The following RNPEP variants were observed in gnomAD, a reference collection of about 807,000 sequenced individuals.
The protein encoded by RNPEP is aminopeptidase B.
RNPEP carries 57 observed loss-of-function variants against 70.1 expected under a neutral mutation model. That is an observed-to-expected ratio of 0.81 (90% CI 0.66 to 1.01). The LOEUF (loss-of-function observed/expected upper bound fraction) is 1.01, where lower values mean the gene tolerates loss of function less well. RNPEP is among the 50% of genes least tolerant of loss of function. The pLI, the probability that RNPEP is intolerant of heterozygous loss-of-function variation, is 0.00. For missense variants in RNPEP, 787 were observed against 852.4 expected (o/e 0.92, Z 0.96); for synonymous variants, 335 against 357.4 (o/e 0.94, Z 0.71).
In RNPEP at chr1:202,000,021, G is replaced by C. The variant is rs1331350611; in HGVS notation, c.1204+6G>C. The C allele has an allele frequency of 6.2e-7, 1 of 1,607,078 alleles. No homozygotes were observed. The highest frequency in any genetic ancestry group is 1.3e-5 in the African/African-American group (1 of 74,802). On this transcript the variant is annotated splice_donor_region_variant and intron_variant, in intron 6 of 10. Transcript: ENST00000295640. ...CCGCGTGAAGATTGAACCAGGTCCA[G>C]GAGGCTCCTCTGTCTGACACCCACT...
intron 9 of RNPEP, 112 bp from the exon 10 acceptor site, chr1:202,004,241 TG>T: frequency 1.7e-6 from 2 of 1,151,232 alleles, no homozygotes; most frequent in Non-Finnish European, 2.5e-6. Flanking sequence ...TTGGCCAGGC[TG>T]GTCTCACATT....
intron 1 of RNPEP, among the ~76,000 whole-genome samples, chr1:201,984,991 G>T (rs1220555574): frequency 5.9e-5 from 9 of 151,536 alleles, no homozygotes; most frequent in Admixed American, 3.9e-4. Flanking sequence ...TCAGGAGTTT[G>T]AGACCAGCCT....
chr1:202,002,753 T>G (rs1683879598), intron 8 of RNPEP, among the ~76,000 whole-genome samples: 1 of 152,218 alleles, frequency 6.6e-6, no homozygotes, highest in Admixed American at 6.5e-5. Context: ...AAGCTTTTAA[T>G]GTTTATTTGC....
rs995745897 is a variant in RNPEP, at chr1:201,997,237, G to A, written c.855-82G>A. ...TTAGTGACTGCATCTGTTAGGGCTT[G>A]GAAATAGGCTGGAAAGGGAGGCGAG... is the stretch of plus-strand genomic sequence containing the variant. On this transcript the variant is annotated intron_variant, in intron 4 of 10. Coordinates refer to ENST00000295640, the MANE Select transcript of RNPEP (RefSeq NM_020216.4). The A allele has an allele frequency of 6.7e-6, 7 of 1,040,732 alleles. No individual in the cohort carries two copies. The African/African-American group carries it at 7.8e-5, about 12-fold the overall frequency. 64.5% of individuals were successfully genotyped at this position (1,040,732 alleles called of 1,614,324 possible). A position where few individuals can be genotyped will look rare whatever the true frequency, so the allele number is the denominator to read the frequency against.
In RNPEP at chr1:201,982,713, C is replaced by T. The variant is rs1260103882; in HGVS notation, c.47C>T (p.Pro16Leu). 5 of 1,402,030 alleles carry T rather than the reference C, an allele frequency of 3.6e-6. No individual in the cohort carries two copies. The East Asian group carries it at 1.2e-4, about 35-fold the overall frequency. 86.8% of individuals were successfully genotyped at this position (1,402,030 alleles called of 1,614,324 possible). A position where few individuals can be genotyped will look rare whatever the true frequency, so the allele number is the denominator to read the frequency against. Residue 16 changes from proline (P) to leucine (L), a missense_variant, in exon 1 of 11, where the codon CCG becomes CTG. Pro to Leu is a moderately conservative substitution (Grantham distance 98, BLOSUM62 -3). Transcript: ENST00000295640. The part of the protein sequence containing the change: ...HSPGSGAARR[P>L]LHSAQAVDVA... ...CCCGGCAGCGGCGCGGCCCGGCGGC[C>T]GCTGCACTCCGCGCAGGCTGTGGAC... is the stretch of plus-strand genomic sequence containing the variant.
In RNPEP at chr1:201,989,059, G is replaced by A; in HGVS notation, c.588+15G>A. 6.2e-7 allele frequency: 1 copy of A among 1,610,216 alleles called. No individual in the cohort carries two copies. The highest frequency in any genetic ancestry group is 8.5e-7 in the Non-Finnish European group (1 of 1,178,420). The stretch of plus-strand genomic sequence containing the variant: ...CTCTTATTGAGGTAAGGAGACTAAG[G>A]TTAGGTGCACCTGCCCTTGGGATGA... On this transcript the variant is annotated intron_variant, in intron 2 of 10. Transcript: ENST00000295640.
At chr1:202,005,213 G>A (rs1044096734) in intron 10 of RNPEP, among the ~76,000 whole-genome samples, 4 of 152,164 alleles carry the variant, frequency 2.6e-5, no homozygotes, top group African/African-American at 9.7e-5. Context: ...TTTATGTGCC[G>A]CAGCTGCTGA....
intron 1 of RNPEP, among the ~76,000 whole-genome samples, chr1:201,984,821 CTTTTTTTTT>C (rs200795347): frequency 6.6e-5 from 8 of 121,996 alleles, no homozygotes; most frequent in African/African-American, 2.3e-4. Context: ...GTATTTCTTT[CTTTTTTTTT>C]TTTTTTTTTT....
intron 1 of RNPEP, among the ~76,000 whole-genome samples, chr1:201,987,946 G>C (rs1274625432): frequency 6.6e-6 from 1 of 151,514 alleles, no homozygotes; most frequent in Non-Finnish European, 1.5e-5. Context: ...TTCAAGACCA[G>C]CCTGACCAAC....
intron 5 of RNPEP, 139 bp downstream of exon 5, chr1:201,997,693 A>G (rs1166059809): frequency 1.9e-5 from 11 of 580,798 alleles, no homozygotes; most frequent in Middle Eastern, 7.2e-4. Flanking sequence ...ATTTTTCTGT[A>G]TGTATGAATT....
Position 202,005,849 on chromosome 1 carries a change from GGTATCTGTGACTCTT to G in RNPEP, c.*135_*149del, listed in dbSNP as rs1684043503. 1.4e-5 allele frequency: 15 copies of G among 1,092,466 alleles called. No individual in the cohort carries two copies. The highest frequency in any genetic ancestry group is 2.3e-5 in the Admixed American group (1 of 43,790). 67.7% of individuals were successfully genotyped at this position (1,092,466 alleles called of 1,614,324 possible). On this transcript the variant is annotated 3_prime_UTR_variant, in exon 11 of 11. Coordinates refer to ENST00000295640, the MANE Select transcript of RNPEP (RefSeq NM_020216.4). ...TCAGGATAATCTATTCTCTAGCTTA[GGTATCTGTGACTCTT>G]GGGCCTCTGCTCTGGTGGGAACTTA... is the stretch of plus-strand genomic sequence containing the variant.
At chr1:201,985,640 T>G (rs6702229) in intron 1 of RNPEP, among the ~76,000 whole-genome samples, 44,991 of 152,044 alleles carry the variant, frequency 0.3, 6,807 homozygotes, top group South Asian at 0.43. Flanking sequence ...CCCCTCTTGC[T>G]ACCATTTTGC....
chr1:201,997,316 C>G lies in RNPEP; in HGVS notation c.855-3C>G, dbSNP rs1459893836. 2 of 1,612,760 alleles carry G rather than the reference C, an allele frequency of 1.2e-6. No homozygotes were observed. Among genetic ancestry groups the G allele is most frequent in the Non-Finnish European group, 1.7e-6 (2 of 1,178,902 alleles). ...TCTTGGTGACCTCCCCGCTTCTCGG[C>G]AGGTATGACTTGCTCTTCATGCCAC... is the stretch of plus-strand genomic sequence containing the variant. On this transcript the variant is annotated splice_polypyrimidine_tract_variant and splice_region_variant and intron_variant, in intron 4 of 10. Coordinates refer to ENST00000295640, the MANE Select transcript of RNPEP (RefSeq NM_020216.4).
At chr1:201,986,701 G>C (rs1683144590) in intron 1 of RNPEP, among the ~76,000 whole-genome samples, 1 of 151,506 alleles carries the variant, frequency 6.6e-6, no homozygotes, top group Non-Finnish European at 1.5e-5. Flanking sequence ...CCACCACCCT[G>C]GTTAATTTTT....
intron 6 of RNPEP, 179 bp from the exon 7 acceptor site, chr1:202,001,197 T>C: frequency 1.7e-6 from 1 of 598,878 alleles, no homozygotes; most frequent in Non-Finnish European, 3.0e-6. Flanking sequence ...GTCTTGGCCT[T>C]GAGAGAGTCC....
chr1:201,988,386 A>T (rs1186387999), intron 1 of RNPEP, among the ~76,000 whole-genome samples: 1 of 140,866 alleles, frequency 7.1e-6, no homozygotes, highest in Non-Finnish European at 1.5e-5. Context: ...TGAACCTGGG[A>T]GGTCGAGGTT....
intron 5 of RNPEP, among the ~76,000 whole-genome samples, chr1:201,998,230 C>CTTTT (rs34549362): frequency 1.0e-4 from 12 of 116,656 alleles, no homozygotes; most frequent in South Asian, 2.7e-4. Flanking sequence ...TGGGTCTGAA[C>CTTTT]TTTTTTTTTT....
chr1:201,984,209 A>G (rs988308985), intron 1 of RNPEP, among the ~76,000 whole-genome samples: 11 of 152,192 alleles, frequency 7.2e-5, no homozygotes, highest in African/African-American at 2.4e-4. Context: ...CTGGGATTAC[A>G]GGCGTGAGCC....
chr1:202,001,182 A>G, intron 6 of RNPEP, 194 bp from the exon 7 acceptor site: 1 of 585,542 alleles, frequency 1.7e-6, no homozygotes. Context: ...ATCTTAAGAG[A>G]GAGAGTCTTG....
Sources: allele counts gnomAD v4.1 joint callset (sites outside exome capture counted in the v4.1 genomes callset), GRCh38; gene constraint gnomAD v4.1.1; transcripts MANE v1.5; gene names NCBI Gene and HGNC (gene_info 2026-07-23, HGNC 2026-07-21).